The following PCNT variants were observed in gnomAD, a reference collection of about 807,000 sequenced individuals.
The protein encoded by PCNT is kendrin.
PCNT carries 319 observed loss-of-function variants against 380.4 expected under a neutral mutation model. The observed-to-expected ratio is 0.84, with a 90% CI of 0.77 to 0.92. The LOEUF (loss-of-function observed/expected upper bound fraction) is 0.92. Ranked by LOEUF, PCNT falls within the 40% of genes least tolerant of loss-of-function variation. The pLI is 0.00. For synonymous variants in PCNT, 1,845 were observed against 1,735.2 expected (o/e 1.06, Z -1.57); for missense variants, 4,400 against 4,255.3 (o/e 1.03, Z -0.95).
At chr21:46,399,484 A>G (rs747617991) in intron 24 of PCNT, 106 bp from the exon 25 acceptor site, 3 of 811,574 alleles carry the variant, frequency 3.7e-6, no homozygotes, top group Non-Finnish European at 6.3e-6. Context: ...AGGGGAGGGC[A>G]TAGGGCATCT....
rs1286407689 is a variant in PCNT at position 46,353,151 on chromosome 21, G to A, written c.1504G>A (p.Glu502Lys). The change falls in exon 10 of 47, where the codon GAA becomes AAA. Residue 502 changes from glutamate to lysine, a missense_variant. Transcript: ENST00000359568. ...LARTSRVEDL[E>K]QLKQREKTQH... ...GCGCACCTCTCGTGTGGAAGATTTA[G>A]AACAGCTGAAGCAGCGAGAAAAAAC... 7.4e-6 allele frequency: 12 copies of A among 1,614,112 alleles called. No homozygotes were observed. The East Asian group carries it at 2.5e-4, about 33-fold the overall frequency.
rs1208334394 is a variant in PCNT, at chr21:46,368,628, C to T, written c.3165+1489C>T. Among the ~76,000 whole-genome samples, 3 of 152,228 alleles carry T rather than the reference C, an allele frequency of 2.0e-5. 1 individual carries two copies. Among genetic ancestry groups the T allele is most frequent in the Non-Finnish European group, 4.4e-5 (3 of 68,046 alleles). ...ACACACACCTTGTGCTTTCTCTGCCCTCAGTGAGGTCTCTGAGGTTTTCTC... is the reference window on the plus strand; with the variant it reads ...ACACACACCTTGTGCTTTCTCTGCCTTCAGTGAGGTCTCTGAGGTTTTCTC... On this transcript the variant is annotated intron_variant, in intron 15 of 46. Transcript: ENST00000359568.
Position 46,435,916 on chromosome 21 carries a change from C to T in PCNT, c.8764C>T (p.Leu2922=). The change falls in exon 39 of 47, where the codon CTG becomes TTG. Residue 2922 remains leucine (L), a synonymous_variant. Coordinates refer to ENST00000359568, the MANE Select transcript of PCNT (RefSeq NM_006031.6). ...RDKEKLRELE[L]QRQRDLHKIK... is the part of the protein sequence containing the mutation. ...CTGTTAACAACAGCGAGAATTAGAA[C>T]TGCAGCGTCAGCGTGACTTGCATAA... The T allele has an allele frequency of 6.2e-7, 1 of 1,614,190 alleles. No homozygotes were observed. Among genetic ancestry groups the T allele is most frequent in the Non-Finnish European group, 8.5e-7 (1 of 1,180,008 alleles).
intron 6 of PCNT, 91 bp from the exon 7 acceptor site, chr21:46,348,921 T>C: frequency 1.1e-6 from 1 of 886,708 alleles, no homozygotes; most frequent in Non-Finnish European, 1.9e-6. Flanking sequence ...CCACGTTGCC[T>C]GGCCTGCTCA....
At chr21:46,365,848 A>C (rs114792260) in intron 14 of PCNT, among the ~76,000 whole-genome samples, 1 of 99,930 alleles carries the variant, frequency 1.0e-5, no homozygotes, top group Non-Finnish European at 1.8e-5. Flanking sequence ...TCACTGCCAC[A>C]GGGTTCTGTT....
chr21:46,411,829 T>C lies in PCNT; in HGVS notation c.5756T>C (p.Leu1919Pro), dbSNP rs755667206. The change falls in exon 28 of 47, where the codon CTG becomes CCG. Residue 1919 changes from leucine (L) to proline (P), a missense_variant. Leu to Pro is a moderately conservative substitution (Grantham distance 98, BLOSUM62 -3). Coordinates refer to ENST00000359568, the MANE Select transcript of PCNT (RefSeq NM_006031.6). ...GCAGCCGGGGCGGCGCCTCCCGAGC[T>C]GCAGTGGCTCCGAGCGCAGTGTGCC... ...PLAAGAAPPE[L>P]QWLRAQCARL... is the part of the protein sequence containing the mutation. 23 of 1,570,268 alleles carry C rather than the reference T, an allele frequency of 1.5e-5. No individual in the cohort carries two copies. Among genetic ancestry groups the C allele is most frequent in the Middle Eastern group, 1.8e-4 (1 of 5,546 alleles).
At position 46,428,519 on chromosome 21, in the gene PCNT, A is replaced by G; in HGVS notation, c.7619A>G (p.Gln2540Arg). The G allele has an allele frequency of 1.2e-6, 2 of 1,611,640 alleles. No homozygotes were observed. Among genetic ancestry groups the G allele is most frequent in the Non-Finnish European group, 1.7e-6 (2 of 1,179,734 alleles). The change falls in exon 35 of 47, where the codon CAG becomes CGG. Residue 2540 changes from glutamine to arginine, a missense_variant. Coordinates refer to ENST00000359568, the MANE Select transcript of PCNT (RefSeq NM_006031.6). Reference protein sequence around the residue: ...MTHLQNQEKLQHLRTALTSAE... With the variant: ...MTHLQNQEKLRHLRTALTSAE... Reference sequence around the variant, plus strand: ...CACCTGCAGAACCAGGAGAAGCTGCAGCACTTGCGCACGGCGCTGACAAGC... The same window carrying G: ...CACCTGCAGAACCAGGAGAAGCTGCGGCACTTGCGCACGGCGCTGACAAGC...
At chr21:46,351,001 G>C (rs1047703618) in intron 8 of PCNT, among the ~76,000 whole-genome samples, 5 of 152,204 alleles carry the variant, frequency 3.3e-5, no homozygotes, top group African/African-American at 1.2e-4. Context: ...CCTTAATGTA[G>C]AAGTATTGAA....
At chr21:46,328,796 C>T (rs146427660) in intron 2 of PCNT, among the ~76,000 whole-genome samples, 183 of 142,390 alleles carry the variant, frequency 1.3e-3, no homozygotes, top group African/African-American at 4.7e-3. Context: ...TTCTTTAAGG[C>T]GAAGTCTCAC....
chr21:46,407,955 T>C (rs921082594), intron 27 of PCNT, among the ~76,000 whole-genome samples: 8 of 152,234 alleles, frequency 5.3e-5, no homozygotes, highest in African/African-American at 1.7e-4. Flanking sequence ...GATAGAACCT[T>C]AGGTCATTGA....
chr21:46,414,803 T>G (rs1471146466), intron 29 of PCNT, among the ~76,000 whole-genome samples: 1 of 146,624 alleles, frequency 6.8e-6, no homozygotes, highest in Non-Finnish European at 1.5e-5. Flanking sequence ...CTCCTCCTCC[T>G]GGACATGCAG....
chr21:46,360,805 A>G (rs1047264479), intron 13 of PCNT, among the ~76,000 whole-genome samples: 1 of 152,076 alleles, frequency 6.6e-6, no homozygotes, highest in Non-Finnish European at 1.5e-5. Flanking sequence ...GGCGTGAGCC[A>G]CCACGCCTGG....
chr21:46,356,326 T>C (rs985431724), intron 12 of PCNT, among the ~76,000 whole-genome samples: 1 of 152,178 alleles, frequency 6.6e-6, no homozygotes, highest in Non-Finnish European at 1.5e-5. Context: ...TGGGCCTCCT[T>C]CAAGCTGGGG....
intron 28 of PCNT, 59 bp from the exon 29 acceptor site, chr21:46,412,778 G>C: frequency 6.3e-7 from 1 of 1,588,332 alleles, no homozygotes; most frequent in Non-Finnish European, 8.6e-7. Flanking sequence ...GGCCACCTGA[G>C]GGGCAGCCCC....
Position 46,430,019 on chromosome 21 carries a change from T to C in PCNT, c.7700T>C (p.Leu2567Pro), listed in dbSNP as rs1158373387. Residue 2567 changes from leucine (L) to proline (P), a missense_variant, in exon 36 of 47, where the codon CTG becomes CCG. Leu to Pro is a moderately conservative substitution (Grantham distance 98, BLOSUM62 -3). Coordinates refer to ENST00000359568, the MANE Select transcript of PCNT (RefSeq NM_006031.6). The part of the protein sequence containing the change: ...EHQLRRQVEL[L>P]AYKVEQEKCI... ...CTTTTGTCTTTCTCAGTTGAACTGC[T>C]GGCTTATAAAGTAGAGCAGGAGAAG... The C allele has an allele frequency of 2.5e-6, 4 of 1,614,154 alleles. No individual in the cohort carries two copies. The East Asian group carries it at 6.7e-5, about 27-fold the overall frequency.
intron 31 of PCNT, among the ~76,000 whole-genome samples, chr21:46,421,257 G>C (rs2087237084): frequency 1.3e-5 from 2 of 152,206 alleles, no homozygotes; most frequent in African/African-American, 4.8e-5. Flanking sequence ...CGCTCCCCAG[G>C]GAGCTTTGTC....
rs2087439204 is a variant in PCNT, at chr21:46,425,122, A to G, written c.7180-709A>G. Among the ~76,000 whole-genome samples, 1 of 152,028 alleles carries G rather than the reference A, an allele frequency of 6.6e-6. No individual in the cohort carries two copies. On this transcript the variant is annotated intron_variant, in intron 32 of 46. Coordinates refer to ENST00000359568, the MANE Select transcript of PCNT (RefSeq NM_006031.6). This position sits in a 1 kb window ranked among gnomAD's most constrained non-coding sequence, Gnocchi z 4.2. ...TGCTCATGTGGTGGTGACCGCGCTG[A>G]GCCTCTGGGCTCTGGGCTCTAGGCT...
chr21:46,349,686 G>T lies in PCNT; in HGVS notation c.1210G>T (p.Ala404Ser). Residue 404 changes from alanine to serine, a missense_variant and splice_region_variant, in exon 8 of 47, where the codon GCC becomes TCC. Transcript: ENST00000359568. ...IFQDKNQAER[A>S]LRNLESHHQA... ...GTGCCATTGCTTTACCTTTCTAGGG[G>T]CCCTTAGGAACCTGGAGAGTCATCA... The T allele has an allele frequency of 6.2e-7, 1 of 1,613,996 alleles. No individual in the cohort carries two copies. Among genetic ancestry groups the T allele is most frequent in the Non-Finnish European group, 8.5e-7 (1 of 1,179,858 alleles).
chr21:46,392,727 G>T (rs1054888792), intron 21 of PCNT, among the ~76,000 whole-genome samples: 1 of 152,176 alleles, frequency 6.6e-6, no homozygotes, highest in Non-Finnish European at 1.5e-5. Context: ...TTGGTCCCAC[G>T]GGATGTTTTA....
Sources: allele counts gnomAD v4.1 joint callset (sites outside exome capture counted in the v4.1 genomes callset), GRCh38; gene constraint gnomAD v4.1.1; non-coding constraint Gnocchi (gnomAD v3.1); transcripts MANE v1.5; gene names NCBI Gene and HGNC (gene_info 2026-07-23, HGNC 2026-07-21).